Variants in CRACR2A observed in about 807,000 individuals in gnomAD.
The protein encoded by CRACR2A is calcium release activated channel regulator 2A.
A neutral mutation model predicts 90.5 loss-of-function variants in CRACR2A; 79 were observed. The ratio of observed to expected loss-of-function variants is 0.87; its 90% CI spans 0.73 to 1.05. CRACR2A has a LOEUF of 1.05. Among genes scored for constraint, CRACR2A ranks in the 50% least tolerant of loss-of-function variants. The pLI is 0.00. For missense variants in CRACR2A, 823 were observed against 897.2 expected, an observed-to-expected ratio of 0.92 and a Z score of 1.06; for synonymous variants, 338 against 356.7, an observed-to-expected ratio of 0.95 and a Z score of 0.59.
In CRACR2A at chr12:3,679,048, G is replaced by A. The variant is rs752447533; in HGVS notation, c.391C>T (p.Gln131Ter). ...TTCTCTTCATGGCGCTGGGCCACCT[G>A]TTCACCTGCATCTTCCTGACTTGGG... ...NNPSQEDAGE[Q>*]VAQRHEEKVY... The change falls in exon 6 of 20, where the codon CAG (glutamine) becomes TAG (stop). Residue 131 changes from glutamine (Q) to a stop codon, truncating the protein, a stop_gained. Coordinates refer to ENST00000440314, the MANE Select transcript of CRACR2A (RefSeq NM_001144958.2). LOFTEE classifies it high-confidence loss of function. 36 of 1,613,724 alleles carry A rather than the reference G, an allele frequency of 2.2e-5. No individual in the cohort carries two copies. In the South Asian group the frequency reaches 3.8e-4, roughly 17 times the overall value.
chr12:3,735,988 A>C (rs1946443860), intron 1 of CRACR2A, among the ~76,000 whole-genome samples: 1 of 152,222 alleles, frequency 6.6e-6, no homozygotes, highest in African/African-American at 2.4e-5. Context: ...CCAGAGGGCA[A>C]GACAAGTAAG....
chr12:3,708,415 ATTTTC>A (rs1014845728), intron 3 of CRACR2A, among the ~76,000 whole-genome samples: 13 of 151,812 alleles, frequency 8.6e-5, no homozygotes, highest in South Asian at 8.3e-4. Context: ...CCCTGGAAGC[ATTTTC>A]TTTTCTTTTC....
rs368558260 is a variant in CRACR2A, at chr12:3,733,973, A to T, written c.-386-763T>A. Among the ~76,000 whole-genome samples the T allele has an allele frequency of 4.1e-3, 404 of 99,646 alleles. 2 individuals carry two copies. The highest frequency in any genetic ancestry group is 5.0e-3 in the East Asian group (16 of 3,204). The allele number at this position is 99,646 out of a possible 152,430, so 65.4% of individuals were successfully genotyped here. ...TCCTAGACTGGACACATTTTGCCTT[A>T]TTTTTTTTTTTTTTTGAGATGGAGT... On this transcript the variant is annotated intron_variant, in intron 1 of 19. Coordinates refer to ENST00000440314, the MANE Select transcript of CRACR2A (RefSeq NM_001144958.2).
At chr12:3,745,698 C>G (rs1039532412) in intron 1 of CRACR2A, among the ~76,000 whole-genome samples, 1 of 151,402 alleles carries the variant, frequency 6.6e-6, no homozygotes, top group Non-Finnish European at 1.5e-5. Flanking sequence ...CGCTTGAACC[C>G]AGGAGGTGTA....
In CRACR2A at chr12:3,659,657, A is replaced by G. The variant is rs1429320688; in HGVS notation, c.672-3T>C. ...CTTCATCATAAGCAGCAATTTTCCT[A>G]CAGAGGTGGCAAAAGGAGAGTCTCA... On this transcript the variant is annotated splice_region_variant and splice_polypyrimidine_tract_variant and intron_variant, in intron 7 of 19. Transcript: ENST00000440314. 1 of 1,613,900 alleles carries G rather than the reference A, an allele frequency of 6.2e-7. No individual in the cohort carries two copies. Among genetic ancestry groups the G allele is most frequent in the Non-Finnish European group, 8.5e-7 (1 of 1,179,786 alleles).
At chr12:3,715,543 T>C (rs1946071322) in intron 2 of CRACR2A, among the ~76,000 whole-genome samples, 1 of 152,114 alleles carries the variant, frequency 6.6e-6, no homozygotes, top group African/African-American at 2.4e-5. Flanking sequence ...CAAGGTACAG[T>C]TTACCAACCA....
At position 3,746,006 on chromosome 12, in the gene CRACR2A, C is replaced by T. The variant is rs945193407; in HGVS notation, c.-387+7009G>A. On this transcript the variant is annotated intron_variant, in intron 1 of 19. Coordinates refer to ENST00000440314, the MANE Select transcript of CRACR2A (RefSeq NM_001144958.2). This position sits in a 1 kb window ranked among gnomAD's most constrained non-coding sequence, Gnocchi z 4.4. ...TGTCTTCAGAAGGGCATGGCCCTGT[C>T]GAGGGGGTGAAGGGCTGTTCCTGTG... Among the ~76,000 whole-genome samples, 3 of 151,952 alleles carry T rather than the reference C, an allele frequency of 2.0e-5. No homozygotes were observed. The highest frequency in any genetic ancestry group is 6.6e-5 in the Admixed American group (1 of 15,262).
chr12:3,652,017 G>T (rs1439289535), intron 10 of CRACR2A, among the ~76,000 whole-genome samples: 1 of 152,146 alleles, frequency 6.6e-6, no homozygotes, highest in East Asian at 1.9e-4. Context: ...ACAAGAAACT[G>T]CAAGCTTCTT....
In CRACR2A at chr12:3,670,329, C is replaced by T. The variant is rs139059140; in HGVS notation, c.671+3117G>A. 1.3e-4 allele frequency among the ~76,000 whole-genome samples: 20 copies of T among 152,258 alleles called. No homozygotes were observed. In the East Asian group the frequency reaches 3.9e-3, roughly 29 times the overall value. On this transcript the variant is annotated intron_variant, in intron 7 of 19. Coordinates refer to ENST00000440314, the MANE Select transcript of CRACR2A (RefSeq NM_001144958.2). ...GCCTGGGAGATATTCTCACAGCTCA[C>T]CAGAACCCGCTCTTCTTGGGATTCC... is the stretch of plus-strand genomic sequence containing the variant.
chr12:3,705,257 GC>G (rs1377897838), intron 3 of CRACR2A, among the ~76,000 whole-genome samples: 2 of 152,204 alleles, frequency 1.3e-5, no homozygotes, highest in African/African-American at 2.4e-5. Flanking sequence ...TTCCATAAAA[GC>G]CGTTATAAAC....
chr12:3,708,049 T>C lies in CRACR2A; in HGVS notation c.-37+5188A>G, dbSNP rs374635451. Among the ~76,000 whole-genome samples the C allele has an allele frequency of 2.4e-4, 36 of 152,298 alleles. No individual in the cohort carries two copies. In the South Asian group the frequency reaches 7.5e-3, roughly 32 times the overall value. ...TTATCGATGCTCCATTCAGATACCC[T>C]TGAATACTTTTTGTGGACCCTCCCT... is the stretch of plus-strand genomic sequence containing the variant. On this transcript the variant is annotated intron_variant, in intron 3 of 19. Transcript: ENST00000440314.
chr12:3,695,239 C>T (rs1945719028), intron 4 of CRACR2A, among the ~76,000 whole-genome samples: 1 of 152,196 alleles, frequency 6.6e-6, no homozygotes, highest in South Asian at 2.1e-4. Flanking sequence ...ACACCAACCA[C>T]CGCTACTGCA....
intron 1 of CRACR2A, among the ~76,000 whole-genome samples, chr12:3,736,003 G>A (rs1390154235): frequency 6.6e-6 from 1 of 152,286 alleles, no homozygotes; most frequent in Non-Finnish European, 1.5e-5. Context: ...AGTAAGCTGT[G>A]AAGAAGCCCA....
At chr12:3,751,339 T>C (rs74058351) in intron 1 of CRACR2A, among the ~76,000 whole-genome samples, 4,979 of 152,232 alleles carry the variant, frequency 0.033, 272 homozygotes, top group African/African-American at 0.11. Context: ...GTGACTGCAA[T>C]GGGCTTCTTC....
At chr12:3,706,028 A>G (rs1046941088) in intron 3 of CRACR2A, among the ~76,000 whole-genome samples, 28 of 152,186 alleles carry the variant, frequency 1.8e-4, no homozygotes, top group African/African-American at 6.3e-4. Context: ...CAGCATCCCT[A>G]GCACTGTTTG....
chr12:3,661,162 T>C (rs1945027474), intron 7 of CRACR2A, among the ~76,000 whole-genome samples: 1 of 152,176 alleles, frequency 6.6e-6, no homozygotes, highest in African/African-American at 2.4e-5. Flanking sequence ...TGTCCCTTTC[T>C]CACCTGCCAC....
chr12:3,690,502 G>A (rs1296675072), intron 4 of CRACR2A, among the ~76,000 whole-genome samples: 5 of 152,078 alleles, frequency 3.3e-5, no homozygotes, highest in East Asian at 1.9e-4. Context: ...TTTCTAATCC[G>A]ATTGTGCTGT....
rs185981897 is a variant in CRACR2A, at chr12:3,690,370, A to G, written c.228+6402T>C. Among the ~76,000 whole-genome samples, 11 of 152,238 alleles carry G rather than the reference A, an allele frequency of 7.2e-5. No individual in the cohort carries two copies. The East Asian group carries it at 2.1e-3, about 29-fold the overall frequency. ...TCTGGTATGTTGTATCTTTGTTTTC[A>G]TTAGTTTCAAAGAATTTCTTGATTT... On this transcript the variant is annotated intron_variant, in intron 4 of 19. Coordinates refer to ENST00000440314, the MANE Select transcript of CRACR2A (RefSeq NM_001144958.2).
chr12:3,735,117 A>T (rs965161700), intron 1 of CRACR2A, among the ~76,000 whole-genome samples: 1 of 152,216 alleles, frequency 6.6e-6, no homozygotes, highest in Non-Finnish European at 1.5e-5. Context: ...AACCAACTTG[A>T]TTGGGCTATC....
Sources: allele counts gnomAD v4.1 joint callset (sites outside exome capture counted in the v4.1 genomes callset), GRCh38; gene constraint gnomAD v4.1.1; non-coding constraint Gnocchi (gnomAD v3.1); transcripts MANE v1.5; gene names NCBI Gene and HGNC (gene_info 2026-07-23, HGNC 2026-07-21).